SLC16A2: variants seen among roughly 807,000 people sequenced by gnomAD.
SLC16A2 encodes the protein solute carrier family 16 member 2.
A neutral mutation model predicts 27.2 loss-of-function variants in SLC16A2; 3 were observed. That is an observed-to-expected ratio of 0.11 (90% CI 0.05 to 0.28). SLC16A2 has a LOEUF of 0.28. SLC16A2 is among the 10% of genes least tolerant of loss of function. The pLI is 1.00. For synonymous variants in SLC16A2, 202 were observed against 187.8 expected, an observed-to-expected ratio of 1.08 and a Z score of -0.62; for missense variants, 295 against 458.5, an observed-to-expected ratio of 0.64 and a Z score of 3.26.
intron 1 of SLC16A2, among the ~76,000 whole-genome samples, chrX:74,454,210 C>A (rs1403790192): frequency 1.8e-5 from 2 of 111,530 alleles, no homozygotes; most frequent in African/African-American, 6.5e-5. Flanking sequence ...CATTTGACCC[C>A]ACCATCCCAT....
At chrX:74,470,315 T>C in intron 1 of SLC16A2, among the ~76,000 whole-genome samples, 1 of 112,368 alleles carries the variant, frequency 8.9e-6, no homozygotes, top group East Asian at 2.8e-4. Context: ...ACATAGGTTT[T>C]TGACCCACTT....
chrX:74,473,686 CTT>C (rs776601908), intron 1 of SLC16A2: 157 of 1,067,935 alleles, frequency 1.5e-4, no homozygotes, highest in Non-Finnish European at 2.0e-4. Flanking sequence ...AGACAGCTCT[CTT>C]TGGTTCCACA....
At chrX:74,512,358 T>G (rs773712242) in intron 1 of SLC16A2, among the ~76,000 whole-genome samples, 1 of 112,275 alleles carries the variant, frequency 8.9e-6, no homozygotes, top group African/African-American at 3.2e-5. Context: ...CCTTAGAACC[T>G]GTCCTCTTAA....
Position 74,469,498 on chromosome X carries a change from AT to A in SLC16A2, c.430+47439del, listed in dbSNP as rs762919440. Among the ~76,000 whole-genome samples the A allele has an allele frequency of 2.4e-4, 27 of 111,213 alleles. No homozygotes were observed. In the East Asian group the frequency reaches 2.8e-3, roughly 12 times the overall value. ...ATCCTCACCAACACTTATTTTTTGT[AT>A]TTTTTTTATAGCTATTCTAGTGGTT... On this transcript the variant is annotated intron_variant, in intron 1 of 5. Transcript: ENST00000587091.
At chrX:74,446,504 C>T (rs1368022772) in intron 1 of SLC16A2, among the ~76,000 whole-genome samples, 1 of 111,372 alleles carries the variant, frequency 9.0e-6, no homozygotes. Context: ...GCCTGTAGTT[C>T]CACCTACTTA....
chrX:74,478,652 T>C (rs1190998118), intron 1 of SLC16A2, among the ~76,000 whole-genome samples: 2 of 111,531 alleles, frequency 1.8e-5, no homozygotes, highest in African/African-American at 6.5e-5. Flanking sequence ...AGTGCTTCCT[T>C]CAGGAGCTCT....
intron 3 of SLC16A2, 126 bp from the exon 4 acceptor site, chrX:74,525,624 A>G (rs1386234328): frequency 2.6e-6 from 2 of 762,262 alleles, no homozygotes; most frequent in African/African-American, 2.1e-5. Flanking sequence ...GTAGGGCTAC[A>G]GGAGAGGGGG....
At chrX:74,529,562 G>A (rs1430884105) in intron 5 of SLC16A2, 121 bp downstream of exon 5, 1 of 509,629 alleles carries the variant, frequency 2.0e-6, no homozygotes, top group African/African-American at 2.4e-5. Context: ...AAGCAGCTTT[G>A]TCAGAGTGCG....
intron 1 of SLC16A2, among the ~76,000 whole-genome samples, chrX:74,430,419 G>A (rs1928515493): frequency 9.0e-6 from 1 of 111,380 alleles, no homozygotes; most frequent in Non-Finnish European, 1.9e-5. Context: ...TATGACTCAA[G>A]GATAAAAAGA....
chrX:74,430,874 T>A (rs751388200), intron 1 of SLC16A2, among the ~76,000 whole-genome samples: 2 of 112,412 alleles, frequency 1.8e-5, no homozygotes, highest in East Asian at 5.6e-4. Context: ...CCCAAGTTGC[T>A]GGGACTACAG....
Position 74,421,876 on chromosome X carries a change from C to G in SLC16A2, c.239C>G (p.Thr80Arg), listed in dbSNP as rs797045964. 4.1e-6 allele frequency: 5 copies of G among 1,209,269 alleles called. No individual in the cohort carries two copies. The highest frequency in any genetic ancestry group is 5.6e-6 in the Non-Finnish European group (5 of 894,345). The change falls in exon 1 of 6, where the codon ACG (threonine) becomes AGG (arginine). Residue 80 changes from threonine (T) to arginine (R), a missense_variant. Thr to Arg is a moderately conservative substitution (Grantham distance 71, BLOSUM62 -1). Coordinates refer to ENST00000587091, the MANE Select transcript of SLC16A2 (RefSeq NM_006517.5). ...GAGCGGGTGCACGAACCCGAGCCCA[C>G]GCCTACGGTAGAGACCCGCGGCACC... ...ESERVHEPEP[T>R]PTVETRGTAR...
rs77359581 is a variant in SLC16A2, at chrX:74,428,459, C to T, written c.430+6392C>T. Among the ~76,000 whole-genome samples, 279 of 111,738 alleles carry T rather than the reference C, an allele frequency of 2.5e-3. 1 individual carries two copies. Among genetic ancestry groups the T allele is most frequent in the Non-Finnish European group, 4.2e-3 (225 of 53,126 alleles). On this transcript the variant is annotated intron_variant, in intron 1 of 5. Coordinates refer to ENST00000587091, the MANE Select transcript of SLC16A2 (RefSeq NM_006517.5). Reference sequence around the variant, plus strand: ...TACTTTCACAGTGCATTTTTTATCACGTTTGCTATATGTGCCATACCCTTT... The same window carrying T: ...TACTTTCACAGTGCATTTTTTATCATGTTTGCTATATGTGCCATACCCTTT...
intron 1 of SLC16A2, among the ~76,000 whole-genome samples, chrX:74,486,899 G>C (rs919722662): frequency 1.8e-5 from 2 of 111,573 alleles, no homozygotes; most frequent in African/African-American, 3.3e-5. Context: ...GGAATACTAC[G>C]CAGCCGTAAA....
intron 1 of SLC16A2, among the ~76,000 whole-genome samples, chrX:74,428,336 C>G (rs1928457016): frequency 9.0e-6 from 1 of 111,090 alleles, no homozygotes; most frequent in Non-Finnish European, 1.9e-5. Context: ...CCCTAGGAGT[C>G]TCACCCTCTT....
At chrX:74,455,087 G>A (rs952443962) in intron 1 of SLC16A2, among the ~76,000 whole-genome samples, 1 of 111,917 alleles carries the variant, frequency 8.9e-6, no homozygotes, top group Non-Finnish European at 1.9e-5. Context: ...ATGTACTTGT[G>A]CAAATTACTT....
At chrX:74,513,888 A>T (rs1434010929) in intron 1 of SLC16A2, among the ~76,000 whole-genome samples, 2 of 112,230 alleles carry the variant, frequency 1.8e-5, no homozygotes, top group Non-Finnish European at 3.8e-5. Context: ...GTCAAATACC[A>T]TATGTCACTC....
intron 1 of SLC16A2, among the ~76,000 whole-genome samples, chrX:74,428,734 A>T (rs1340737273): frequency 1.8e-5 from 2 of 111,674 alleles, no homozygotes; most frequent in African/African-American, 6.5e-5. Context: ...TCGCATAAAG[A>T]TAGCTGCTAT....
chrX:74,503,457 C>T (rs1366401614), intron 1 of SLC16A2, among the ~76,000 whole-genome samples: 1 of 111,249 alleles, frequency 9.0e-6, no homozygotes, highest in Non-Finnish European at 1.9e-5. Context: ...TTTGCACCTT[C>T]GTTACAGATC....
At chrX:74,489,354 C>G (rs901089519) in intron 1 of SLC16A2, among the ~76,000 whole-genome samples, 1 of 111,995 alleles carries the variant, frequency 8.9e-6, no homozygotes, top group Non-Finnish European at 1.9e-5. Context: ...ATCATTCTGC[C>G]TTTGGCTGGG....
Sources: allele counts gnomAD v4.1 joint callset (sites outside exome capture counted in the v4.1 genomes callset), GRCh38; gene constraint gnomAD v4.1.1; transcripts MANE v1.5; gene names NCBI Gene and HGNC (gene_info 2026-07-23, HGNC 2026-07-21).